The following TUSC3 variants were observed in gnomAD, a reference collection of about 807,000 sequenced individuals.
The protein encoded by TUSC3 is dolichyl-diphosphooligosaccharide--protein glycosyltransferase subunit TUSC3.
A neutral mutation model predicts 44.8 loss-of-function variants in TUSC3; 45 were observed. The observed-to-expected ratio is 1.00, with a 90% CI of 0.79 to 1.29. TUSC3 has a LOEUF of 1.29. TUSC3 is among the 50% of genes most tolerant of loss of function. The pLI is 0.00. For missense variants in TUSC3, 519 were observed against 437.9 expected (o/e 1.19, Z -1.65); for synonymous variants, 212 against 152.9 (o/e 1.39, Z -2.85).
At chr8:15,737,454 A>C (rs183275051) in intron 7 of TUSC3, among the ~76,000 whole-genome samples, 1 of 152,290 alleles carries the variant, frequency 6.6e-6, no homozygotes, top group South Asian at 2.1e-4. Context: ...CAGCTTTTTT[A>C]TGTGGGATCA....
intron 1 of TUSC3, among the ~76,000 whole-genome samples, chr8:15,469,033 G>A (rs140210712): frequency 8.5e-5 from 13 of 152,104 alleles, no homozygotes; most frequent in African/African-American, 1.7e-4. Context: ...CTCTCAGAAC[G>A]CAGAGGGGAA....
chr8:15,600,349 G>C (rs191917729), intron 1 of TUSC3, among the ~76,000 whole-genome samples: 21 of 151,818 alleles, frequency 1.4e-4, no homozygotes, highest in African/African-American at 5.1e-4. Flanking sequence ...AAAAAATAGA[G>C]ATGCTTCATC....
At chr8:15,827,741 C>G in the TUSC3 span, among the ~76,000 whole-genome samples, 1 of 152,032 alleles carries the variant, frequency 6.6e-6, no homozygotes, top group Non-Finnish European at 1.5e-5. Flanking sequence ...CCAGAAAAAG[C>G]CATACCCTGA....
intron 1 of TUSC3, among the ~76,000 whole-genome samples, chr8:15,616,223 T>A (rs1038105793): frequency 6.6e-6 from 1 of 152,222 alleles, no homozygotes; most frequent in Admixed American, 6.5e-5. Context: ...TTTAGAAGTT[T>A]ATAGTGACAT....
chr8:15,561,454 TTTG>T (rs1441250774), intron 1 of TUSC3, among the ~76,000 whole-genome samples: 5 of 140,726 alleles, frequency 3.6e-5, no homozygotes, highest in Non-Finnish European at 6.3e-5. Flanking sequence ...CTGCTGTCCT[TTTG>T]TTTGTCTGTG....
chr8:15,748,422 C>A lies in TUSC3; in HGVS notation c.985C>A (p.Leu329Ile). 6.2e-7 allele frequency: 1 copy of A among 1,613,402 alleles called. No individual in the cohort carries two copies. Among genetic ancestry groups the A allele is most frequent in the Non-Finnish European group, 8.5e-7 (1 of 1,179,570 alleles). ...CCTGGTGGTCTTCTTCTTCAGTTTT[C>A]TACTTTCAATATTTCGTTCCAAGTA... ...LGLVVFFFSF[L>I]LSIFRSKYHG... The change falls in exon 9 of 11, where the codon CTA (leucine) becomes ATA (isoleucine). Residue 329 changes from leucine (L) to isoleucine (I), a missense_variant. Transcript: ENST00000503731.
chr8:15,717,155 A>C (rs1386726439), intron 6 of TUSC3, among the ~76,000 whole-genome samples: 1 of 152,132 alleles, frequency 6.6e-6, no homozygotes, highest in Non-Finnish European at 1.5e-5. Context: ...CAAATGTTAT[A>C]GATAGTAAGT....
chr8:15,613,131 TTTAGTG>T (rs1295056652), intron 1 of TUSC3, among the ~76,000 whole-genome samples: 1 of 150,290 alleles, frequency 6.7e-6, no homozygotes, highest in Non-Finnish European at 1.5e-5. Flanking sequence ...ATGGACACTT[TTTAGTG>T]CTAGAGTTTA....
At chr8:15,629,042 G>C (rs192429730) in intron 2 of TUSC3, among the ~76,000 whole-genome samples, 5 of 152,292 alleles carry the variant, frequency 3.3e-5, no homozygotes, top group Non-Finnish European at 5.9e-5. Flanking sequence ...GGATAGGGTT[G>C]AAAATTAGCA....
At chr8:15,433,171 T>C (rs1229157795) in intron 1 of TUSC3, among the ~76,000 whole-genome samples, 1 of 152,130 alleles carries the variant, frequency 6.6e-6, no homozygotes, top group East Asian at 1.9e-4. Flanking sequence ...AAAGATGATA[T>C]TTTGGTACCC....
intron 2 of TUSC3, among the ~76,000 whole-genome samples, chr8:15,648,397 A>C (rs917629009): frequency 2.0e-5 from 3 of 152,018 alleles, no homozygotes; most frequent in Non-Finnish European, 4.4e-5. Flanking sequence ...ACGCGGGCAG[A>C]CTCTGAGGGT....
intron 1 of TUSC3, among the ~76,000 whole-genome samples, chr8:15,423,969 G>GTTTTTGTT (rs1563247134): frequency 1.4e-5 from 1 of 70,362 alleles, no homozygotes; most frequent in South Asian, 4.7e-4. Context: ...GTTTTGCTTT[G>GTTTTTGTT]TTTTTTTTTT....
the TUSC3 span, among the ~76,000 whole-genome samples, chr8:15,837,114 C>G: frequency 6.6e-6 from 1 of 152,102 alleles, no homozygotes; most frequent in African/African-American, 2.4e-5. Context: ...GTTCTACTGT[C>G]TGCTGGCAGT....
chr8:15,804,016 G>C, the TUSC3 span, among the ~76,000 whole-genome samples: 8 of 152,112 alleles, frequency 5.3e-5, no homozygotes, highest in African/African-American at 1.9e-4. Context: ...ACATACGTGT[G>C]CATGTGTCTT....
intron 5 of TUSC3, among the ~76,000 whole-genome samples, chr8:15,672,762 C>A (rs887868697): frequency 1.3e-5 from 2 of 152,046 alleles, no homozygotes; most frequent in African/African-American, 4.8e-5. Context: ...TTTGCCCCAT[C>A]TTCTTCCCTT....
chr8:15,614,195 G>C (rs968439562), intron 1 of TUSC3, among the ~76,000 whole-genome samples: 2 of 151,876 alleles, frequency 1.3e-5, no homozygotes, highest in African/African-American at 4.8e-5. Context: ...TTTTAATTAA[G>C]GTTTCTGTTT....
intron 6 of TUSC3, chr8:15,689,120 A>C (rs549824878): frequency 2.6e-6 from 1 of 383,872 alleles, no homozygotes; most frequent in African/African-American, 2.2e-5. Flanking sequence ...CTTGTCTTGC[A>C]CGCCATTCTT....
chr8:15,844,829 G>A, the TUSC3 span, among the ~76,000 whole-genome samples: 1 of 152,160 alleles, frequency 6.6e-6, no homozygotes, highest in Non-Finnish European at 1.5e-5. Context: ...ATCTACTCTA[G>A]AATCTCATTT....
chr8:15,744,568 A>G (rs1220342634), intron 8 of TUSC3, among the ~76,000 whole-genome samples: 1 of 151,768 alleles, frequency 6.6e-6, no homozygotes, highest in Admixed American at 6.6e-5. Flanking sequence ...CTAGGGTGAC[A>G]TGTGTGTAAA....
Sources: gnomAD v4.1 joint callset for allele counts (sites outside exome capture counted in the v4.1 genomes callset) on GRCh38, gnomAD v4.1.1 for gene constraint, MANE v1.5 for transcripts, NCBI Gene and HGNC (gene_info 2026-07-23, HGNC 2026-07-21) for gene names.